Variants in TAFA5 observed in about 807,000 individuals in gnomAD.
TAFA5 encodes TAFA chemokine like family member 5, also known as chemokine-like protein TAFA-5.
Under a neutral mutation model 15.3 loss-of-function variants are expected in TAFA5, and 6 were observed. The ratio of observed to expected loss-of-function variants is 0.39; its 90% CI spans 0.21 to 0.77. TAFA5 has a LOEUF of 0.77. Ranked by LOEUF, TAFA5 falls within the 30% of genes least tolerant of loss-of-function variation. The pLI is 0.41. For synonymous variants in TAFA5, 103 were observed against 80.7 expected, an observed-to-expected ratio of 1.28 and a Z score of -1.48; for missense variants, 161 against 193.1, an observed-to-expected ratio of 0.83 and a Z score of 0.98.
In TAFA5 at chr22:48,566,063, T is replaced by G. The variant is rs538099959; in HGVS notation, c.112+76359T>G. Among the ~76,000 whole-genome samples the G allele has an allele frequency of 2.8e-4, 43 of 151,362 alleles. No individual in the cohort carries two copies. Among genetic ancestry groups the G allele is most frequent in the Admixed American group, 2.8e-3 (43 of 15,218 alleles). On this transcript the variant is annotated intron_variant, in intron 1 of 3. Transcript: ENST00000402357. This position sits in a 1 kb window ranked among gnomAD's most constrained non-coding sequence, Gnocchi z 4.5. ...TGATGAGCTGATGATGGATGGATGA[T>G]GGATGGATGGATGGATGATGGATGA...
intron 1 of TAFA5, among the ~76,000 whole-genome samples, chr22:48,523,006 CG>C (rs1481186289): frequency 1.3e-5 from 2 of 152,202 alleles, no homozygotes; most frequent in East Asian, 3.9e-4. Context: ...CCCCCCATGG[CG>C]GGGCTGTGTC....
chr22:48,636,924 G>A (rs1201916970), intron 1 of TAFA5, among the ~76,000 whole-genome samples: 2 of 152,202 alleles, frequency 1.3e-5, no homozygotes, highest in Non-Finnish European at 2.9e-5. Context: ...GCGGGGCCCT[G>A]GGAGGCTGAG....
intron 2 of TAFA5, among the ~76,000 whole-genome samples, chr22:48,696,877 C>T (rs534971611): frequency 6.6e-6 from 1 of 152,348 alleles, no homozygotes; most frequent in African/African-American, 2.4e-5. Context: ...CGCAAAGGCC[C>T]TAGGATACGA....
intron 3 of TAFA5, among the ~76,000 whole-genome samples, chr22:48,719,649 G>C (rs867854658): frequency 6.6e-6 from 1 of 152,234 alleles, no homozygotes; most frequent in Non-Finnish European, 1.5e-5. Context: ...CGCAGGGGTG[G>C]GTACTTGGCC....
chr22:48,615,493 TG>T (rs753696928), intron 1 of TAFA5, among the ~76,000 whole-genome samples: 1 of 152,206 alleles, frequency 6.6e-6, no homozygotes, highest in Non-Finnish European at 1.5e-5. Flanking sequence ...CTCGCCTTCC[TG>T]GGGGGCTCCC....
chr22:48,558,761 G>A (rs1006478046), intron 1 of TAFA5, among the ~76,000 whole-genome samples: 5 of 152,226 alleles, frequency 3.3e-5, no homozygotes, highest in African/African-American at 1.2e-4. Context: ...GGCGTGACAC[G>A]AGTGTGTGCC....
intron 1 of TAFA5, among the ~76,000 whole-genome samples, chr22:48,559,689 G>A (rs1392175076): frequency 6.6e-6 from 1 of 152,144 alleles, no homozygotes; most frequent in African/African-American, 2.4e-5. Context: ...TGAGCCTTGA[G>A]GAGGAGGAAG....
chr22:48,649,618 G>A (rs1462571995), intron 2 of TAFA5, among the ~76,000 whole-genome samples: 1 of 152,138 alleles, frequency 6.6e-6, no homozygotes, highest in Non-Finnish European at 1.5e-5. Flanking sequence ...GGATCCTGGG[G>A]CGAGCTGGGG....
chr22:48,605,420 A>ATGGTGGTGATGG (rs1569044302), intron 1 of TAFA5, among the ~76,000 whole-genome samples: 18 of 113,270 alleles, frequency 1.6e-4, no homozygotes, highest in South Asian at 8.3e-4. Flanking sequence ...GATGGTGAGG[A>ATGGTGGTGATGG]TGGTGGTGGT....
At chr22:48,587,853 A>G (rs1601598182) in intron 1 of TAFA5, among the ~76,000 whole-genome samples, 3 of 152,268 alleles carry the variant, frequency 2.0e-5, no homozygotes, top group Admixed American at 1.3e-4. Context: ...TGGAGGACTC[A>G]CGCAGAGGCG....
chr22:48,654,670 AT>A (rs944369977), intron 2 of TAFA5, among the ~76,000 whole-genome samples: 4 of 152,062 alleles, frequency 2.6e-5, no homozygotes, highest in Non-Finnish European at 4.4e-5. Flanking sequence ...TGGGGTTTTA[AT>A]TTTTTTTCGA....
Position 48,560,088 on chromosome 22 carries a change from C to T in TAFA5, c.112+70384C>T, listed in dbSNP as rs746083966. On this transcript the variant is annotated intron_variant, in intron 1 of 3. Coordinates refer to ENST00000402357, the MANE Select transcript of TAFA5 (RefSeq NM_001082967.3). The surrounding 1 kb of genome is among the most constrained non-coding windows in gnomAD (Gnocchi z 4.2). ...CAGCTGCCCTGGCCACCGATGCCTT[C>T]GCAGCATAGGATTTGGGGACCTCCA... Among the ~76,000 whole-genome samples the T allele has an allele frequency of 5.3e-5, 8 of 152,176 alleles. No individual in the cohort carries two copies. The highest frequency in any genetic ancestry group is 7.3e-5 in the Non-Finnish European group (5 of 68,028).
At chr22:48,636,707 G>A (rs1926463862) in intron 1 of TAFA5, among the ~76,000 whole-genome samples, 1 of 152,282 alleles carries the variant, frequency 6.6e-6, no homozygotes, top group Admixed American at 6.5e-5. Context: ...CCGAACCCCA[G>A]GAGCCCCCAG....
chr22:48,599,798 C>T (rs925714113), intron 1 of TAFA5, among the ~76,000 whole-genome samples: 2 of 152,228 alleles, frequency 1.3e-5, no homozygotes, highest in African/African-American at 4.8e-5. Flanking sequence ...CATGTAGGGG[C>T]ACCCTGTGCT....
chr22:48,749,236 C>T (rs1930412441), intron 3 of TAFA5, among the ~76,000 whole-genome samples: 1 of 152,178 alleles, frequency 6.6e-6, no homozygotes, highest in Non-Finnish European at 1.5e-5. Flanking sequence ...AGGCCCTGTC[C>T]ACACCTTGAG....
At chr22:48,700,883 A>T (rs1174098631) in intron 2 of TAFA5, among the ~76,000 whole-genome samples, 1 of 152,196 alleles carries the variant, frequency 6.6e-6, no homozygotes, top group East Asian at 1.9e-4. Context: ...CGTAACAGAC[A>T]CACCCTGCTG....
At chr22:48,509,429 T>C (rs133517) in intron 1 of TAFA5, among the ~76,000 whole-genome samples, 144,028 of 152,294 alleles carry the variant, frequency 0.95, 68,226 homozygotes, top group African/African-American at 0.99. Context: ...TTCCCACCGA[T>C]AGTGTATACG....
Position 48,489,835 on chromosome 22 carries a change from G to A in TAFA5, c.112+131G>A, listed in dbSNP as rs960160047. The A allele has an allele frequency of 6.2e-6, 3 of 486,860 alleles. No individual in the cohort carries two copies. The highest frequency in any genetic ancestry group is 6.8e-6 in the Non-Finnish European group (2 of 295,390). 30.2% of individuals were successfully genotyped at this position (486,860 alleles called of 1,614,324 possible). On this transcript the variant is annotated intron_variant, in intron 1 of 3. Transcript: ENST00000402357. This position sits in a 1 kb window ranked among gnomAD's most constrained non-coding sequence, Gnocchi z 5.5. ...ACGAGCGCCGGGCGCATGGTCCCCC[G>A]AGTCCCGGCCGGTCCAACGCTGCGC...
rs1236785412 is a variant in TAFA5 at position 48,560,195 on chromosome 22, G to A, written c.112+70491G>A. On this transcript the variant is annotated intron_variant, in intron 1 of 3. Transcript: ENST00000402357. The surrounding 1 kb of genome is among the most constrained non-coding windows in gnomAD (Gnocchi z 4.2). ...GCAGGGGACCGTTTCTCTAACGGGA[G>A]CCTGTCAGTTTCTGGGCGGGGGTGT... 6.6e-6 allele frequency among the ~76,000 whole-genome samples: 1 copy of A among 152,244 alleles called. No individual in the cohort carries two copies. The highest frequency in any genetic ancestry group is 2.4e-5 in the African/African-American group (1 of 41,466).
Sources: gnomAD v4.1 joint callset for allele counts (sites outside exome capture counted in the v4.1 genomes callset) on GRCh38, gnomAD v4.1.1 for gene constraint, Gnocchi (gnomAD v3.1) non-coding constraint, MANE v1.5 for transcripts, NCBI Gene and HGNC (gene_info 2026-07-23, HGNC 2026-07-21) for gene names.